Variants in DENND2B observed in about 807,000 individuals in gnomAD.
The protein encoded by DENND2B is DENN domain-containing protein 2B.
A neutral mutation model predicts 116.0 loss-of-function variants in DENND2B; 32 were observed. That is an observed-to-expected ratio of 0.28 (90% CI 0.21 to 0.37). The LOEUF is 0.37. Among genes scored for constraint, DENND2B ranks in the 10% least tolerant of loss-of-function variants. The pLI is 1.00. For missense variants in DENND2B, 1,276 were observed against 1,477.7 expected, an observed-to-expected ratio of 0.86 and a Z score of 2.24; for synonymous variants, 588 against 583.9, an observed-to-expected ratio of 1.01 and a Z score of -0.10.
intron 2 of DENND2B, among the ~76,000 whole-genome samples, chr11:8,732,067 C>T (rs1030044765): frequency 1.2e-4 from 19 of 152,136 alleles, no homozygotes; most frequent in African/African-American, 3.9e-4. Flanking sequence ...AGGTCAGAAG[C>T]GCCCCTCAGG....
At chr11:8,719,692 C>A (rs546969961) in intron 4 of DENND2B, among the ~76,000 whole-genome samples, 10 of 152,322 alleles carry the variant, frequency 6.6e-5, no homozygotes, top group African/African-American at 2.4e-4. Flanking sequence ...CCTTCCCCAA[C>A]ATATGCCCTG....
intron 1 of DENND2B, among the ~76,000 whole-genome samples, chr11:8,806,915 T>TC (rs928320209): frequency 2.0e-5 from 3 of 151,390 alleles, no homozygotes; most frequent in Admixed American, 6.6e-5. Context: ...GGTCTTTTTT[T>TC]TTTTTCTTTT....
chr11:8,804,667 C>T (rs1018508954), intron 1 of DENND2B, among the ~76,000 whole-genome samples: 1 of 151,292 alleles, frequency 6.6e-6, no homozygotes, highest in Non-Finnish European at 1.5e-5. Flanking sequence ...ACCTCAGCCT[C>T]CCGAGTAGCT....
chr11:8,891,493 C>A (rs1016083666), intron 1 of DENND2B, among the ~76,000 whole-genome samples: 2 of 152,098 alleles, frequency 1.3e-5, no homozygotes, highest in Non-Finnish European at 2.9e-5. Context: ...ATTCAGGAGA[C>A]CCATCTCACA....
At chr11:8,887,010 T>G (rs2063968535) in intron 1 of DENND2B, among the ~76,000 whole-genome samples, 1 of 152,104 alleles carries the variant, frequency 6.6e-6, no homozygotes, top group African/African-American at 2.4e-5. Context: ...GTATTTTTAG[T>G]AGAGATGGGG....
At chr11:8,694,566 G>A (rs559909190) in intron 19 of DENND2B, 14 of 457,868 alleles carry the variant, frequency 3.1e-5, no homozygotes, top group Middle Eastern at 3.2e-4. Context: ...GTGGGAACCT[G>A]GGATTCCTCT....
At chr11:8,699,653 A>G (rs902252307) in intron 14 of DENND2B, among the ~76,000 whole-genome samples, 4 of 152,192 alleles carry the variant, frequency 2.6e-5, no homozygotes, top group African/African-American at 4.8e-5. Context: ...TCTGACAAAG[A>G]TCTGGAAAAG....
chr11:8,833,310 C>A (rs1235140318), intron 4 of DENND2B, among the ~76,000 whole-genome samples: 1 of 152,022 alleles, frequency 6.6e-6, no homozygotes, highest in Non-Finnish European at 1.5e-5. Flanking sequence ...ATTAAAGATG[C>A]CTTCCTGTTA....
At chr11:8,737,500 GAGGTA>G (rs1375798868) in intron 2 of DENND2B, among the ~76,000 whole-genome samples, 1 of 152,190 alleles carries the variant, frequency 6.6e-6, no homozygotes, top group Non-Finnish European at 1.5e-5. Flanking sequence ...TTTTGGTAGA[GAGGTA>G]GGAAGGGAAG....
chr11:8,716,434 C>T (rs1393893050), intron 5 of DENND2B, among the ~76,000 whole-genome samples: 1 of 152,208 alleles, frequency 6.6e-6, no homozygotes, highest in Non-Finnish European at 1.5e-5. Flanking sequence ...ATGCGCTGAC[C>T]TCTCATCCCA....
intron 3 of DENND2B, among the ~76,000 whole-genome samples, chr11:8,727,037 C>T (rs2047191057): frequency 6.6e-6 from 1 of 152,180 alleles, no homozygotes; most frequent in South Asian, 2.1e-4. Context: ...TCTCCTAAGA[C>T]ACCCTGAGCC....
intron 1 of DENND2B, among the ~76,000 whole-genome samples, chr11:8,775,728 A>G (rs1201562886): frequency 6.6e-6 from 1 of 152,212 alleles, no homozygotes; most frequent in African/African-American, 2.4e-5. Context: ...GCCAAATATG[A>G]AGAAACAATG....
chr11:8,698,481 G>A (rs2040864425), intron 16 of DENND2B, among the ~76,000 whole-genome samples: 1 of 152,192 alleles, frequency 6.6e-6, no homozygotes, highest in South Asian at 2.1e-4. Context: ...AGAGAGCCAG[G>A]AGGATTTCCA....
Position 8,714,062 on chromosome 11 carries a change from G to A in DENND2B, c.1943-20C>T, listed in dbSNP as rs750658852. On this transcript the variant is annotated intron_variant, in intron 7 of 19. Transcript: ENST00000313726. ...TTTCATCTGGAAAAGGAACAGCAGA[G>A]TACATACTTGCTGGACCTCACAGCC... is the stretch of plus-strand genomic sequence containing the variant. 11 of 1,613,074 alleles carry A rather than the reference G, an allele frequency of 6.8e-6. No homozygotes were observed. The South Asian group carries it at 9.9e-5, about 14-fold the overall frequency.
intron 4 of DENND2B, chr11:8,830,936 G>C (rs968848745): frequency 1.3e-5 from 2 of 152,266 alleles, no homozygotes; most frequent in East Asian, 3.8e-4. Context: ...GCCAAGACCA[G>C]TAGTCATCTT....
intron 4 of DENND2B, among the ~76,000 whole-genome samples, chr11:8,828,365 G>A (rs2062059671): frequency 6.6e-6 from 1 of 152,118 alleles, no homozygotes; most frequent in South Asian, 2.1e-4. Flanking sequence ...GCCCAGCCCT[G>A]GGCAAAGCAA....
chr11:8,817,093 G>C (rs1475200081), intron 4 of DENND2B, among the ~76,000 whole-genome samples: 1 of 152,136 alleles, frequency 6.6e-6, no homozygotes, highest in Non-Finnish European at 1.5e-5. Flanking sequence ...TACAGAATGG[G>C]GAAATTAGGA....
rs551454332 is a variant in DENND2B, at chr11:8,778,153, C to G, written c.-25-27428G>C. Among the ~76,000 whole-genome samples, 3 of 152,326 alleles carry G rather than the reference C, an allele frequency of 2.0e-5. No homozygotes were observed. The East Asian group carries it at 5.8e-4, about 29-fold the overall frequency. On this transcript the variant is annotated intron_variant, in intron 1 of 19. Coordinates refer to ENST00000313726, the MANE Select transcript of DENND2B (RefSeq NM_213618.2). ...TGAGTCAAGCCTTGAAAGGGCAGAA[C>G]AGAAGGAAAGAAGTTACCATTGGCC...
At chr11:8,793,779 C>G (rs1175384821) in intron 1 of DENND2B, among the ~76,000 whole-genome samples, 1 of 152,104 alleles carries the variant, frequency 6.6e-6, no homozygotes, top group Non-Finnish European at 1.5e-5. Context: ...GGGGAATAAT[C>G]AAACTTTCCC....
Sources: allele counts gnomAD v4.1 joint callset (sites outside exome capture counted in the v4.1 genomes callset), GRCh38; gene constraint gnomAD v4.1.1; transcripts MANE v1.5; gene names NCBI Gene and HGNC (gene_info 2026-07-23, HGNC 2026-07-21).